Variants in UNC45A observed in about 807,000 individuals in gnomAD.
UNC45A encodes unc-45 myosin chaperone A, also known as protein unc-45 homolog A.
In UNC45A, 78 loss-of-function variants were observed where a neutral mutation model predicts 103.2. The observed-to-expected ratio is 0.76, with a 90% CI of 0.63 to 0.91. UNC45A has a LOEUF of 0.91. Among genes scored for constraint, UNC45A ranks in the 40% least tolerant of loss-of-function variants. The pLI is 0.00. For missense variants in UNC45A, 1,193 were observed against 1,224.8 expected (o/e 0.97, Z 0.39); for synonymous variants, 495 against 504.6 (o/e 0.98, Z 0.25).
chr15:90,954,078 A>G lies in UNC45A; in HGVS notation c.*362A>G, dbSNP rs2037085140. The G allele has an allele frequency of 3.2e-6, 1 of 309,358 alleles. No individual in the cohort carries two copies. Among genetic ancestry groups the G allele is most frequent in the South Asian group, 3.2e-5 (1 of 31,216 alleles). 19.2% of individuals were successfully genotyped at this position (309,358 alleles called of 1,614,324 possible). A position where few individuals can be genotyped will look rare whatever the true frequency, so the allele number is the denominator to read the frequency against. ...CTATCAGGCCTGCCCCTCCAATAAA[A>G]GTGTGTAGAACTCCACTGTGTGCCC... On this transcript the variant is annotated 3_prime_UTR_variant, in exon 20 of 20. Coordinates refer to ENST00000418476, the MANE Select transcript of UNC45A (RefSeq NM_018671.5).
chr15:90,953,488 C>T lies in UNC45A; in HGVS notation c.2607C>T (p.Ala869=), dbSNP rs1319799000. The T allele has an allele frequency of 1.9e-6, 3 of 1,613,858 alleles. No individual in the cohort carries two copies. The highest frequency in any genetic ancestry group is 2.5e-6 in the Non-Finnish European group (3 of 1,180,050). ...CACACTGGCTGGAGATCCTGCAGGCCCTGCTTCTGAGCTCCAACCAGGAGC... is the reference window on the plus strand; with the variant it reads ...CACACTGGCTGGAGATCCTGCAGGCTCTGCTTCTGAGCTCCAACCAGGAGC... ...VTTHWLEILQ[A]LLLSSNQELQ... The change falls in exon 20 of 20, where the codon GCC becomes GCT. Residue 869 remains alanine, a synonymous_variant. Transcript: ENST00000418476.
At chr15:90,943,272 A>G (rs1169335802) in intron 8 of UNC45A, among the ~76,000 whole-genome samples, 190 bp downstream of exon 8, 1 of 151,674 alleles carries the variant, frequency 6.6e-6, no homozygotes, top group African/African-American at 2.4e-5. Flanking sequence ...ATGAAAAATT[A>G]AAAAAAATTA....
chr15:90,944,791 C>A, intron 8 of UNC45A, 101 bp from the exon 9 acceptor site: 1 of 1,388,428 alleles, frequency 7.2e-7, no homozygotes, highest in Non-Finnish European at 9.8e-7. Flanking sequence ...ACTCTGTAGC[C>A]TTCTTGTCTT....
At chr15:90,932,471 GC>G, upstream of UNC45A, 1 of 1,324,164 alleles carries the variant, frequency 7.6e-7, no homozygotes, top group South Asian at 2.2e-5. Flanking sequence ...GGGTCCTTCC[GC>G]CGCTGCTGCC....
intron 4 of UNC45A, among the ~76,000 whole-genome samples, chr15:90,937,274 A>G (rs2036067430): frequency 6.6e-6 from 1 of 152,130 alleles, no homozygotes; most frequent in Admixed American, 6.6e-5. Flanking sequence ...TGAGCCCTGG[A>G]TTTTGCAGTT....
At chr15:90,931,536 G>C, upstream of UNC45A, 3 of 1,614,118 alleles carry the variant, frequency 1.9e-6, no homozygotes, top group Non-Finnish European at 2.5e-6. Flanking sequence ...ACTTCCCCTT[G>C]GCCCAGCTAT....
intron 4 of UNC45A, among the ~76,000 whole-genome samples, chr15:90,937,627 C>T (rs1012774789): frequency 6.6e-6 from 1 of 151,626 alleles, no homozygotes; most frequent in East Asian, 1.9e-4. Context: ...GCTGGGACTA[C>T]AGGGGCCTGC....
intron 17 of UNC45A, 73 bp from the exon 18 acceptor site, chr15:90,952,856 A>G: frequency 7.1e-7 from 1 of 1,409,348 alleles, no homozygotes; most frequent in South Asian, 1.2e-5. Flanking sequence ...ATTGGGGATT[A>G]TAGTTCAACA....
intron 6 of UNC45A, among the ~76,000 whole-genome samples, chr15:90,942,001 G>A (rs991229278): frequency 6.6e-5 from 10 of 151,708 alleles, no homozygotes; most frequent in African/African-American, 2.4e-4. Context: ...ACTGGGTGGA[G>A]AGGTCTCACG....
At chr15:90,934,046 C>T, upstream of UNC45A, 1 of 399,042 alleles carries the variant, frequency 2.5e-6, no homozygotes, top group Non-Finnish European at 4.4e-6. Flanking sequence ...CTCTCATGGG[C>T]ATCCAGAGAA....
At chr15:90,932,498 CGAA>C, upstream of UNC45A, 1 of 1,304,160 alleles carries the variant, frequency 7.7e-7, no homozygotes, top group Non-Finnish European at 9.7e-7. Flanking sequence ...TTGCGAGCCG[CGAA>C]GTCGGCAGCC....
chr15:90,949,263 C>A (rs998617545), intron 13 of UNC45A, 53 bp from the exon 14 acceptor site: 1 of 1,578,998 alleles, frequency 6.3e-7, no homozygotes, highest in Non-Finnish European at 8.6e-7. Context: ...GAAGGGTCCC[C>A]CTTTCTCTGT....
At chr15:90,940,066 G>A (rs1369058316) in intron 5 of UNC45A, among the ~76,000 whole-genome samples, 1 of 152,250 alleles carries the variant, frequency 6.6e-6, no homozygotes, top group East Asian at 1.9e-4. Context: ...GGTAACTGAG[G>A]CACTGTCCCA....
At chr15:90,939,478 G>A (rs779884844) in intron 4 of UNC45A, among the ~76,000 whole-genome samples, 4 of 152,174 alleles carry the variant, frequency 2.6e-5, no homozygotes, top group East Asian at 3.9e-4. Flanking sequence ...CCTCCCCTCC[G>A]AAAAGGCACT....
At chr15:90,944,484 G>A (rs1231122732) in intron 8 of UNC45A, among the ~76,000 whole-genome samples, 2 of 152,046 alleles carry the variant, frequency 1.3e-5, no homozygotes, top group African/African-American at 2.4e-5. Flanking sequence ...GTTCACAGTG[G>A]TCCCACGAGG....
At chr15:90,940,912 GAAACA>G (rs925255407) in intron 6 of UNC45A, 4 of 152,650 alleles carry the variant, frequency 2.6e-5, no homozygotes, top group Non-Finnish European at 2.9e-5. Flanking sequence ...GACTATCTCA[GAAACA>G]AAACAAAACA....
rs200598683 is a variant in UNC45A, at chr15:90,946,785, C to T, written c.1371C>T (p.Ala457=). 38 of 1,614,064 alleles carry T rather than the reference C, an allele frequency of 2.4e-5. No individual in the cohort carries two copies. In the Middle Eastern group the frequency reaches 9.9e-4, roughly 42 times the overall value. Residue 457 remains alanine (A), a synonymous_variant, in exon 10 of 20, where the codon GCC becomes GCT. Coordinates refer to ENST00000418476, the MANE Select transcript of UNC45A (RefSeq NM_018671.5). ...ASEQEEEQLV[A]VEALIHAAGK... ...AGCAGGAGGAGGAGCAGCTGGTGGC[C>T]GTGGAGGCTCTGATCCATGCAGCCG...
chr15:90,941,967 A>T (rs1433271362), intron 6 of UNC45A, among the ~76,000 whole-genome samples: 3 of 151,602 alleles, frequency 2.0e-5, no homozygotes, highest in African/African-American at 7.3e-5. Context: ...TCAAAAAAAA[A>T]AAAAAAAAAG....
intron 12 of UNC45A, 23 bp from the exon 13 acceptor site, chr15:90,948,631 T>G: frequency 6.2e-7 from 1 of 1,611,212 alleles, no homozygotes; most frequent in South Asian, 1.1e-5. Flanking sequence ...GATGCCCATG[T>G]GAATTCCTCT....
Sources: allele counts gnomAD v4.1 joint callset (sites outside exome capture counted in the v4.1 genomes callset), GRCh38; gene constraint gnomAD v4.1.1; transcripts MANE v1.5; gene names NCBI Gene and HGNC (gene_info 2026-07-23, HGNC 2026-07-21).